SPARC: variants seen among roughly 807,000 people sequenced by gnomAD.
SPARC encodes secreted protein acidic and cysteine rich.
A neutral mutation model predicts 37.7 loss-of-function variants in SPARC; 23 were observed. The observed-to-expected ratio is 0.61, with a 90% CI of 0.44 to 0.87. The LOEUF (loss-of-function observed/expected upper bound fraction) is 0.87, where lower values mean the gene tolerates loss of function less well. SPARC is among the 40% of genes least tolerant of loss of function. The pLI, the probability that SPARC is intolerant of heterozygous loss-of-function variation, is 0.00. For synonymous variants in SPARC, 155 were observed against 150.8 expected (o/e 1.03, Z -0.20); for missense variants, 312 against 389.0 (o/e 0.80, Z 1.66).
At chr5:151,675,139 G>T (rs1760828756) in intron 2 of SPARC, among the ~76,000 whole-genome samples, 1 of 152,188 alleles carries the variant, frequency 6.6e-6, no homozygotes, top group African/African-American at 2.4e-5. Context: ...GTAGGAGGAA[G>T]CAAGAAAACA....
chr5:151,663,327 A>C lies in SPARC; in HGVS notation c.*244T>G. On this transcript the variant is annotated 3_prime_UTR_variant, in exon 10 of 10. Coordinates refer to ENST00000231061, the MANE Select transcript of SPARC (RefSeq NM_003118.4). ...CCAATAAGACAATGGGCAAAGCTAC[A>C]AATGGCAAGAGAAAAATGGGACTAT... is the stretch of plus-strand genomic sequence containing the variant. 1.9e-6 allele frequency: 1 copy of C among 529,666 alleles called. No individual in the cohort carries two copies. Among genetic ancestry groups the C allele is most frequent in the South Asian group, 2.4e-5 (1 of 41,058 alleles). 32.8% of individuals were successfully genotyped at this position (529,666 alleles called of 1,614,324 possible). A position where few individuals can be genotyped will look rare whatever the true frequency, so the allele number is the denominator to read the frequency against.
chr5:151,678,650 G>A lies in SPARC; in HGVS notation c.-13-2449C>T, dbSNP rs117759752. On this transcript the variant is annotated intron_variant, in intron 1 of 9. Transcript: ENST00000231061. ...AACAATTCAGGCCCTCTCCAAATAG[G>A]CAAGCGTTCTCACTCATGGAGTTGG... Among the ~76,000 whole-genome samples, 7 of 152,242 alleles carry A rather than the reference G, an allele frequency of 4.6e-5. No homozygotes were observed. The East Asian group carries it at 1.3e-3, about 29-fold the overall frequency.
chr5:151,674,013 T>TGTGTGTGTGC (rs1433743125), intron 3 of SPARC, among the ~76,000 whole-genome samples: 14 of 123,620 alleles, frequency 1.1e-4, no homozygotes, highest in African/African-American at 4.1e-4. Context: ...TGTGTGCTTG[T>TGTGTGTGTGC]TTGTTTGTTT....
At chr5:151,674,245 T>C (rs1760810030) in intron 3 of SPARC, among the ~76,000 whole-genome samples, 1 of 152,236 alleles carries the variant, frequency 6.6e-6, no homozygotes, top group Middle Eastern at 3.4e-3. Context: ...ACTCCTGACC[T>C]CGTGAATTGC....
rs1388464425 is a variant in SPARC, at chr5:151,662,908, T to C, written c.*663A>G. The C allele has an allele frequency of 6.6e-6, 1 of 152,266 alleles. No homozygotes were observed. The highest frequency in any genetic ancestry group is 1.5e-5 in the Non-Finnish European group (1 of 68,090). 9.4% of individuals were successfully genotyped at this position (152,266 alleles called of 1,614,324 possible). A position where few individuals can be genotyped will look rare whatever the true frequency, so the allele number is the denominator to read the frequency against. On this transcript the variant is annotated 3_prime_UTR_variant, in exon 10 of 10. Transcript: ENST00000231061. ...CCAAAAGTTTGAACCAACAGCCTAA[T>C]GTGAAAAGAAACTGCACTGAAAGGT...
chr5:151,676,191 T>C lies in SPARC; in HGVS notation c.-3A>G. The C allele has an allele frequency of 6.2e-7, 1 of 1,610,494 alleles. No individual in the cohort carries two copies. The highest frequency in any genetic ancestry group is 8.5e-7 in the Non-Finnish European group (1 of 1,178,558). On this transcript the variant is annotated 5_prime_UTR_variant, in exon 2 of 10. Coordinates refer to ENST00000231061, the MANE Select transcript of SPARC (RefSeq NM_003118.4). ...AGAAAGAAGATCCAGGCCCTCATGG[T>C]GCTGGGAACCCTATGGGGAGGAGAG...
chr5:151,675,533 A>T (rs895648610), intron 2 of SPARC, among the ~76,000 whole-genome samples: 1 of 152,154 alleles, frequency 6.6e-6, no homozygotes, highest in South Asian at 2.1e-4. Flanking sequence ...ACATTCTCTC[A>T]AGATGTGAAA....
At chr5:151,666,631 G>A (rs1412561672) in intron 7 of SPARC, 122 bp from the exon 8 acceptor site, 8 of 782,076 alleles carry the variant, frequency 1.0e-5, no homozygotes, top group Admixed American at 5.6e-5. Flanking sequence ...AGCTCACAGC[G>A]AGGGGAGGGA....
chr5:151,678,026 A>G (rs1760901758), intron 1 of SPARC, among the ~76,000 whole-genome samples: 1 of 152,204 alleles, frequency 6.6e-6, no homozygotes, highest in Admixed American at 6.5e-5. Flanking sequence ...CGCAAGATAA[A>G]TAACTCCTGC....
intron 3 of SPARC, 94 bp downstream of exon 3, chr5:151,674,518 C>T: frequency 2.6e-6 from 3 of 1,143,560 alleles, no homozygotes; most frequent in Non-Finnish European, 4.0e-6. Context: ...GAATGCCCCA[C>T]TCTAGCATTG....
intron 9 of SPARC, 24 bp downstream of exon 9, chr5:151,664,063 T>C: frequency 6.2e-7 from 1 of 1,613,966 alleles, no homozygotes; most frequent in Non-Finnish European, 8.5e-7. Flanking sequence ...CCCATGCCCC[T>C]TGCTTCTTTG....
chr5:151,686,461 C>T (rs988349695), intron 1 of SPARC: 2 of 152,178 alleles, frequency 1.3e-5, no homozygotes, highest in African/African-American at 4.8e-5. Context: ...ACTCCGGTTG[C>T]TGGCCAGGTC....
intron 1 of SPARC, among the ~76,000 whole-genome samples, chr5:151,680,943 G>A (rs1760974569): frequency 6.6e-6 from 1 of 152,198 alleles, no homozygotes; most frequent in South Asian, 2.1e-4. Context: ...AGAAAGGGGT[G>A]TTTGGGTGGA....
chr5:151,664,013 G>A, intron 9 of SPARC, 74 bp downstream of exon 9: 1 of 1,545,322 alleles, frequency 6.5e-7, no homozygotes, highest in Non-Finnish European at 8.9e-7. Flanking sequence ...AGCGGAGAGT[G>A]GGGGGATGAC....
At chr5:151,663,647 A>T in intron 9 of SPARC, 48 bp from the exon 10 acceptor site, 1 of 1,602,990 alleles carries the variant, frequency 6.2e-7, no homozygotes, top group Non-Finnish European at 8.5e-7. Flanking sequence ...TGTGTCGATG[A>T]TAACGCACTT....
intron 1 of SPARC, among the ~76,000 whole-genome samples, chr5:151,678,738 T>C (rs934974836): frequency 2.6e-5 from 4 of 152,246 alleles, no homozygotes; most frequent in African/African-American, 9.6e-5. Flanking sequence ...AGAGAGACTG[T>C]TAAGAACAGA....
intron 6 of SPARC, among the ~76,000 whole-genome samples, chr5:151,669,107 C>T (rs1362570430): frequency 6.6e-6 from 1 of 152,168 alleles, no homozygotes; most frequent in Admixed American, 6.5e-5. Flanking sequence ...CCTCCCCAGA[C>T]AACTGACTCC....
In SPARC at chr5:151,661,429, G is replaced by A. The variant is rs1760499655; in HGVS notation, c.*2142C>T. ...CTGCTCGCCCTCCCACTGTGTAGAA[G>A]AGAACACCAGAATACAGTTTGATTT... is the stretch of plus-strand genomic sequence containing the variant. On this transcript the variant is annotated 3_prime_UTR_variant, in exon 10 of 10. Coordinates refer to ENST00000231061, the MANE Select transcript of SPARC (RefSeq NM_003118.4). 2 of 152,208 alleles carry A rather than the reference G, an allele frequency of 1.3e-5. No individual in the cohort carries two copies. The highest frequency in any genetic ancestry group is 6.5e-5 in the Admixed American group (1 of 15,284). The allele number at this position is 152,208 out of a possible 1,614,324, so 9.4% of individuals were successfully genotyped here. A position where few individuals can be genotyped will look rare whatever the true frequency, so the allele number is the denominator to read the frequency against.
rs1326643144 is a variant in SPARC at position 151,661,249 on chromosome 5, C to T, written c.*2322G>A. On this transcript the variant is annotated 3_prime_UTR_variant, in exon 10 of 10. Coordinates refer to ENST00000231061, the MANE Select transcript of SPARC (RefSeq NM_003118.4). ...TGCCTACTCATAAGATCCCCTAACA[C>T]ATTGCAGGTACCTGATGAATGTCGC... 7 of 152,212 alleles carry T rather than the reference C, an allele frequency of 4.6e-5. No individual in the cohort carries two copies. The highest frequency in any genetic ancestry group is 1.7e-4 in the African/African-American group (7 of 41,458). 9.4% of individuals were successfully genotyped at this position (152,212 alleles called of 1,614,324 possible). A position where few individuals can be genotyped will look rare whatever the true frequency, so the allele number is the denominator to read the frequency against.
Sources: allele counts gnomAD v4.1 joint callset (sites outside exome capture counted in the v4.1 genomes callset), GRCh38; gene constraint gnomAD v4.1.1; transcripts MANE v1.5; gene names NCBI Gene and HGNC (gene_info 2026-07-23, HGNC 2026-07-21).